Variants in GMDS observed in about 807,000 individuals in gnomAD.
The protein encoded by GMDS is GDP-mannose 4,6 dehydratase.
A neutral mutation model predicts 49.9 loss-of-function variants in GMDS; 20 were observed. The ratio of observed to expected loss-of-function variants is 0.40; its 90% CI spans 0.28 to 0.58. The LOEUF (loss-of-function observed/expected upper bound fraction) is 0.58, where lower values mean the gene tolerates loss of function less well. Among genes scored for constraint, GMDS ranks in the 20% least tolerant of loss-of-function variants. The pLI is 0.42. For missense variants in GMDS, 362 were observed against 481.4 expected, an observed-to-expected ratio of 0.75 and a Z score of 2.32; for synonymous variants, 177 against 178.6, an observed-to-expected ratio of 0.99 and a Z score of 0.07.
chr6:2,073,145 T>C (rs1802), intron 4 of GMDS, among the ~76,000 whole-genome samples: 39,671 of 152,092 alleles, frequency 0.26, 6,176 homozygotes, highest in East Asian at 0.48. Context: ...CCGCACCGCT[T>C]TGTGCCGAAT....
chr6:1,916,436 G>GGA (rs1189770130), intron 7 of GMDS, among the ~76,000 whole-genome samples: 6 of 151,784 alleles, frequency 4.0e-5, no homozygotes, highest in African/African-American at 7.3e-5. Context: ...TGAAAGAAAG[G>GGA]GAGAGAGAGA....
At position 1,836,642 on chromosome 6, in the gene GMDS, G is replaced by A. The variant is rs1169888842; in HGVS notation, c.771+93461C>T. ...GAAAATAGTCCATAAAAGGGAGATT[G>A]GGTAGAAGCGGCTGATGAACTGGTT... On this transcript the variant is annotated intron_variant, in intron 7 of 10. Transcript: ENST00000380815. This position sits in a 1 kb window ranked among gnomAD's most constrained non-coding sequence, Gnocchi z 4.2. Among the ~76,000 whole-genome samples the A allele has an allele frequency of 6.6e-6, 1 of 152,222 alleles. No individual in the cohort carries two copies. Among genetic ancestry groups the A allele is most frequent in the East Asian group, 1.9e-4 (1 of 5,202 alleles).
At chr6:2,201,607 A>G (rs1310022743) in intron 1 of GMDS, among the ~76,000 whole-genome samples, 11 of 103,966 alleles carry the variant, frequency 1.1e-4, no homozygotes, top group African/African-American at 1.5e-4. Context: ...TGAAGACAGA[A>G]CACCACATGG....
At chr6:2,065,896 A>G (rs1197398045) in intron 4 of GMDS, among the ~76,000 whole-genome samples, 1 of 152,200 alleles carries the variant, frequency 6.6e-6, no homozygotes, top group Non-Finnish European at 1.5e-5. Flanking sequence ...GCAGGCCAAC[A>G]TTCAGGTTCA....
chr6:2,029,910 A>C (rs957559906), intron 4 of GMDS, among the ~76,000 whole-genome samples: 8 of 152,190 alleles, frequency 5.3e-5, no homozygotes, highest in Non-Finnish European at 1.5e-5. Flanking sequence ...AGCAGCATGT[A>C]ATACTATCTT....
At chr6:1,969,599 T>C (rs1274587401) in intron 4 of GMDS, among the ~76,000 whole-genome samples, 5 of 152,168 alleles carry the variant, frequency 3.3e-5, no homozygotes, top group Non-Finnish European at 7.4e-5. Flanking sequence ...TATGGTTCAG[T>C]GGGGCGGCCT....
chr6:2,012,701 C>T (rs571612707), intron 4 of GMDS, among the ~76,000 whole-genome samples: 102 of 151,860 alleles, frequency 6.7e-4, no homozygotes, highest in Non-Finnish European at 1.3e-3. Flanking sequence ...AAGGAGAAAC[C>T]GCCAGGAAAA....
intron 9 of GMDS, among the ~76,000 whole-genome samples, chr6:1,716,941 A>G (rs145029920): frequency 0.012 from 1,829 of 152,286 alleles, 30 homozygotes; most frequent in African/African-American, 0.042. Flanking sequence ...CTGAGTGTGT[A>G]CATTATGCAA....
chr6:1,919,136 T>C (rs1352955105), intron 7 of GMDS, among the ~76,000 whole-genome samples: 1 of 152,154 alleles, frequency 6.6e-6, no homozygotes, highest in Non-Finnish European at 1.5e-5. Context: ...GCCAGGCATG[T>C]TGGGAGGGAT....
intron 9 of GMDS, 23 bp downstream of exon 9, chr6:1,726,393 C>A (rs1766588797): frequency 6.5e-7 from 1 of 1,528,394 alleles, no homozygotes; most frequent in African/African-American, 1.4e-5. Context: ...TGGCCACGCA[C>A]TGGGTGGCCA....
intron 7 of GMDS, among the ~76,000 whole-genome samples, chr6:1,860,673 G>A (rs993627403): frequency 6.6e-6 from 1 of 152,030 alleles, no homozygotes; most frequent in Non-Finnish European, 1.5e-5. Flanking sequence ...ATATATGTCT[G>A]GTGTCCAAAA....
At chr6:2,124,580 C>T (rs1399838569) in intron 2 of GMDS, 107 bp downstream of exon 2, 10 of 831,666 alleles carry the variant, frequency 1.2e-5, no homozygotes, top group South Asian at 2.8e-5. Flanking sequence ...TTGTTATCTG[C>T]GTTTCAGTGG....
intron 9 of GMDS, among the ~76,000 whole-genome samples, chr6:1,681,183 T>A (rs1397469835): frequency 1.3e-5 from 2 of 148,672 alleles, no homozygotes; most frequent in Non-Finnish European, 3.0e-5. Context: ...CGAGAGGCGA[T>A]GAGCACAGGG....
At chr6:2,244,013 C>T (rs187650588) in intron 1 of GMDS, among the ~76,000 whole-genome samples, 60 of 151,958 alleles carry the variant, frequency 3.9e-4, no homozygotes, top group African/African-American at 1.4e-3. Context: ...CAGGTGAGCA[C>T]CAACATGCCT....
chr6:1,910,162 GA>G (rs1376700321), intron 7 of GMDS, among the ~76,000 whole-genome samples: 1 of 151,172 alleles, frequency 6.6e-6, no homozygotes, highest in African/African-American at 2.4e-5. Context: ...AATAATCACT[GA>G]AAATTTAAAA....
At chr6:1,707,448 G>C (rs1344911107) in intron 9 of GMDS, among the ~76,000 whole-genome samples, 2 of 152,180 alleles carry the variant, frequency 1.3e-5, no homozygotes, top group Admixed American at 1.3e-4. Context: ...GTAATCATAG[G>C]ACACTCTCTC....
chr6:2,180,949 T>C (rs562978149), intron 1 of GMDS, among the ~76,000 whole-genome samples: 66 of 151,932 alleles, frequency 4.3e-4, no homozygotes, highest in Non-Finnish European at 7.5e-4. Context: ...GGGCAGATCA[T>C]GAGGTCAGGA....
At chr6:2,000,300 G>C (rs981357305) in intron 4 of GMDS, among the ~76,000 whole-genome samples, 1 of 150,992 alleles carries the variant, frequency 6.6e-6, no homozygotes, top group Non-Finnish European at 1.5e-5. Flanking sequence ...CTCCCAAAAT[G>C]CTGGGATTAC....
intron 4 of GMDS, among the ~76,000 whole-genome samples, chr6:1,993,060 T>C (rs1417448046): frequency 2.0e-5 from 3 of 152,130 alleles, no homozygotes; most frequent in African/African-American, 2.4e-5. Context: ...TCCAGCTGCT[T>C]TTCCTACAGA....
Sources: gnomAD v4.1 joint callset for allele counts (sites outside exome capture counted in the v4.1 genomes callset) on GRCh38, gnomAD v4.1.1 for gene constraint, Gnocchi (gnomAD v3.1) non-coding constraint, MANE v1.5 for transcripts, NCBI Gene and HGNC (gene_info 2026-07-23, HGNC 2026-07-21) for gene names.